Variants in ABCC6 observed in about 807,000 individuals in gnomAD.
The protein encoded by ABCC6 is ATP binding cassette subfamily C member 6.
Under a neutral mutation model 169.5 loss-of-function variants are expected in ABCC6, and 126 were observed. The ratio of observed to expected loss-of-function variants is 0.74; its 90% confidence interval spans 0.64 to 0.86. The LOEUF is 0.86. ABCC6 is among the 40% of genes least tolerant of loss of function. ABCC6 has a pLI of 0.00. For missense variants in ABCC6, 1,733 were observed against 1,927.2 expected (o/e 0.90, Z 1.89); for synonymous variants, 752 against 814.7 (o/e 0.92, Z 1.31).
intron 6 of ABCC6, among the ~76,000 whole-genome samples, chr16:16,211,422 C>G (rs1249547078): frequency 6.6e-6 from 1 of 151,944 alleles, no homozygotes; most frequent in East Asian, 1.9e-4. Flanking sequence ...AAAATAATTA[C>G]CACTTAAACT....
chr16:16,161,004 C>T (rs1343806575), intron 25 of ABCC6, among the ~76,000 whole-genome samples: 1 of 152,036 alleles, frequency 6.6e-6, no homozygotes, highest in African/African-American at 2.4e-5. Flanking sequence ...ACTTGGGAGG[C>T]TGAGGCATAA....
At chr16:16,183,385 G>T (rs28588983) in intron 15 of ABCC6, among the ~76,000 whole-genome samples, 1 of 151,648 alleles carries the variant, frequency 6.6e-6, no homozygotes, top group Non-Finnish European at 1.5e-5. Context: ...CCTCCCTCCC[G>T]CTACTCTTGG....
intron 27 of ABCC6, among the ~76,000 whole-genome samples, chr16:16,156,070 C>A (rs1488989492): frequency 6.6e-6 from 1 of 152,184 alleles, no homozygotes; most frequent in African/African-American, 2.4e-5. Flanking sequence ...TGCCTGTCAC[C>A]ATGCTCGGCT....
chr16:16,151,059 T>G (rs1429539316), intron 29 of ABCC6, among the ~76,000 whole-genome samples: 1 of 152,180 alleles, frequency 6.6e-6, no homozygotes, highest in Admixed American at 6.5e-5. Context: ...TCTTTTTTTC[T>G]TCTTCGTTTT....
Position 16,187,869 on chromosome 16 carries a change from C to T in ABCC6, c.1780-658G>A, listed in dbSNP as rs546139628. The stretch of plus-strand genomic sequence containing the variant: ...CTGAGATCGTGCCACTGCACTCCAG[C>T]CTGGGTGACAGAGTGAGACACTGTC... On this transcript the variant is annotated intron_variant, in intron 13 of 30. Coordinates refer to ENST00000205557, the MANE Select transcript of ABCC6 (RefSeq NM_001171.6). Among the ~76,000 whole-genome samples the T allele has an allele frequency of 1.2e-3, 187 of 151,780 alleles. 2 individuals are homozygous for T. Among genetic ancestry groups the T allele is most frequent in the Non-Finnish European group, 1.7e-3 (117 of 67,972 alleles).
At chr16:16,168,091 C>G (rs2046932506) in intron 22 of ABCC6, among the ~76,000 whole-genome samples, 1 of 152,202 alleles carries the variant, frequency 6.6e-6, no homozygotes, top group Non-Finnish European at 1.5e-5. Context: ...GCCTGGCGCC[C>G]CCTATTTTAC....
chr16:16,188,133 A>G (rs2047715412), intron 13 of ABCC6, among the ~76,000 whole-genome samples: 2 of 151,228 alleles, frequency 1.3e-5, no homozygotes, highest in South Asian at 4.2e-4. Context: ...TGTAATCAGC[A>G]CTTTGGGAGG....
chr16:16,186,390 C>G (rs2047654591), intron 14 of ABCC6, among the ~76,000 whole-genome samples: 1 of 152,048 alleles, frequency 6.6e-6, no homozygotes, highest in Non-Finnish European at 1.5e-5. Context: ...TGGTACCAGT[C>G]TGCAGCCTCT....
At chr16:16,175,274 A>G (rs1310109564) in intron 20 of ABCC6, among the ~76,000 whole-genome samples, 4 of 152,130 alleles carry the variant, frequency 2.6e-5, no homozygotes, top group Non-Finnish European at 5.9e-5. Context: ...GCTGCCGCCC[A>G]CCACCCCTGT....
intron 25 of ABCC6, among the ~76,000 whole-genome samples, chr16:16,160,289 G>A (rs893933794): frequency 1.3e-5 from 2 of 152,190 alleles, no homozygotes; most frequent in Non-Finnish European, 2.9e-5. Flanking sequence ...ACTGTAAAAT[G>A]AGGATAATAA....
intron 24 of ABCC6, among the ~76,000 whole-genome samples, chr16:16,162,767 T>C (rs1376199120): frequency 6.6e-6 from 1 of 152,160 alleles, no homozygotes; most frequent in Non-Finnish European, 1.5e-5. Flanking sequence ...TCCAGTTGCC[T>C]GGCAACAGAA....
intron 19 of ABCC6, among the ~76,000 whole-genome samples, chr16:16,176,560 G>A (rs1228685920): frequency 1.3e-5 from 2 of 152,232 alleles, no homozygotes; most frequent in East Asian, 1.9e-4. Flanking sequence ...TCAAGCTTCA[G>A]GACTGTGACA....
rs1315704178 is a variant in ABCC6 at position 16,154,933 on chromosome 16, C to T, written c.3981G>A (p.Gly1327=). ...EAAEGGIWID[G]VPIAHVGLHT... ...GCAGCCCCACGTGGGCAATGGGGAC[C>T]CCGTCGATCCAGATCCCACCCTCAG... Residue 1327 remains glycine (G), a synonymous_variant, in exon 28 of 31, where the codon GGG becomes GGA. Transcript: ENST00000205557. The T allele has an allele frequency of 6.2e-7, 1 of 1,601,668 alleles. No individual in the cohort carries two copies. The highest frequency in any genetic ancestry group is 2.3e-5 in the East Asian group (1 of 44,128).
chr16:16,218,097 CA>C (rs1017942576), intron 4 of ABCC6, among the ~76,000 whole-genome samples: 73 of 151,912 alleles, frequency 4.8e-4, no homozygotes, highest in African/African-American at 1.7e-3. Flanking sequence ...TCAGAATGAA[CA>C]AACAAAAAAT....
intron 6 of ABCC6, among the ~76,000 whole-genome samples, chr16:16,209,717 C>A (rs1206811805): frequency 1.3e-5 from 2 of 152,006 alleles, no homozygotes; most frequent in Non-Finnish European, 2.9e-5. Context: ...GATTCTCACG[C>A]CTCAGCCTTC....
At chr16:16,221,448 C>T (rs887854129) in intron 2 of ABCC6, 435 of 1,445,998 alleles carry the variant, frequency 3.0e-4, no homozygotes, top group Non-Finnish European at 3.7e-4. Context: ...CGTGGATTTT[C>T]GGAATTACAA....
intron 18 of ABCC6, among the ~76,000 whole-genome samples, chr16:16,178,396 G>T (rs2152251753): frequency 6.6e-6 from 1 of 152,162 alleles, no homozygotes; most frequent in South Asian, 2.1e-4. Context: ...GGGTTGGGGT[G>T]GGGGTATTGT....
chr16:16,180,006 C>T (rs1420161781), intron 17 of ABCC6, among the ~76,000 whole-genome samples: 1 of 152,178 alleles, frequency 6.6e-6, no homozygotes, highest in African/African-American at 2.4e-5. Flanking sequence ...TGATGGGAGG[C>T]AGTGACAGAT....
chr16:16,221,689 C>T lies in ABCC6; in HGVS notation c.179G>A (p.Arg60Gln), dbSNP rs183648123. The T allele has an allele frequency of 1.2e-4, 197 of 1,613,876 alleles. No individual in the cohort carries two copies. The Middle Eastern group carries it at 1.5e-3, about 12-fold the overall frequency. The change falls in exon 2 of 31, where the codon CGG becomes CAG. Residue 60 changes from arginine (R) to glutamine (Q), a missense_variant. Around this residue, in one of 5 missense-constraint regions of ABCC6, gnomAD observed 66 missense variants for 69.5 expected, o/e 0.95. Transcript: ENST00000205557. ...IYLLFIHHHG[R>Q]GYLRMSPLFK... ...GAGTGGGGACATCCGGAGGTAGCCC[C>T]GGCCATGGTGGTGGATGAAGAGGAG...
Sources: allele counts gnomAD v4.1 joint callset (sites outside exome capture counted in the v4.1 genomes callset), GRCh38; gene constraint gnomAD v4.1.1; regional missense constraint gnomAD v4.1.1; transcripts MANE v1.5; gene names NCBI Gene and HGNC (gene_info 2026-07-23, HGNC 2026-07-21).